Variants in PEAK1 observed in about 807,000 individuals in gnomAD.
The protein encoded by PEAK1 is inactive tyrosine-protein kinase PEAK1.
A neutral mutation model predicts 124.7 loss-of-function variants in PEAK1; 54 were observed. The ratio of observed to expected loss-of-function variants is 0.43; its 90% CI spans 0.35 to 0.54. The LOEUF (loss-of-function observed/expected upper bound fraction) is 0.54. Ranked by LOEUF, PEAK1 falls within the 20% of genes least tolerant of loss-of-function variation. The pLI is 0.01. For synonymous variants in PEAK1, 719 were observed against 760.0 expected (o/e 0.95, Z 0.89); for missense variants, 2,046 against 2,134.5 (o/e 0.96, Z 0.82).
intron 2 of PEAK1, among the ~76,000 whole-genome samples, chr15:77,292,340 C>T (rs1403770242): frequency 6.6e-6 from 1 of 152,162 alleles, no homozygotes; most frequent in Non-Finnish European, 1.5e-5. Context: ...ACACTGAAAT[C>T]ATGGCTGAAA....
chr15:77,194,202 T>C (rs186978289), intron 6 of PEAK1, among the ~76,000 whole-genome samples: 242 of 152,318 alleles, frequency 1.6e-3, no homozygotes, highest in African/African-American at 5.6e-3. Flanking sequence ...GTTTTATCTT[T>C]CCTAATCTGT....
At chr15:77,210,301 ATTAGTTTGTTC>A (rs1385130420) in intron 6 of PEAK1, among the ~76,000 whole-genome samples, 1 of 152,198 alleles carries the variant, frequency 6.6e-6, no homozygotes, top group Non-Finnish European at 1.5e-5. Flanking sequence ...TGGACAAGTC[ATTAGTTTGTTC>A]TTGCAGATCA....
chr15:77,350,911 C>A (rs949507539), intron 2 of PEAK1: 1 of 985,246 alleles, frequency 1.0e-6, no homozygotes, highest in Non-Finnish European at 1.2e-6. Flanking sequence ...ACAAACATGG[C>A]CCTCTATTTA....
At chr15:77,326,205 T>C (rs899955317) in intron 2 of PEAK1, among the ~76,000 whole-genome samples, 4 of 152,074 alleles carry the variant, frequency 2.6e-5, no homozygotes, top group East Asian at 1.9e-4. Flanking sequence ...AGATTCATCT[T>C]TGGATTTTAA....
chr15:77,233,833 T>C (rs1350889750), intron 6 of PEAK1, among the ~76,000 whole-genome samples: 4 of 152,220 alleles, frequency 2.6e-5, no homozygotes, highest in African/African-American at 7.2e-5. Flanking sequence ...AAACTACCCA[T>C]TATGTCTAAG....
At chr15:77,195,484 G>A (rs1269978726) in intron 6 of PEAK1, among the ~76,000 whole-genome samples, 2 of 152,090 alleles carry the variant, frequency 1.3e-5, no homozygotes, top group African/African-American at 4.8e-5. Flanking sequence ...ACAAGTGAGA[G>A]GAAGAATAGA....
intron 1 of PEAK1, among the ~76,000 whole-genome samples, chr15:77,374,250 A>C (rs1467335234): frequency 1.3e-5 from 2 of 152,176 alleles, no homozygotes; most frequent in African/African-American, 4.8e-5. Context: ...GTTAATTATA[A>C]ATGGCATGTC....
At chr15:77,325,843 G>A (rs1392367755) in intron 2 of PEAK1, among the ~76,000 whole-genome samples, 2 of 151,898 alleles carry the variant, frequency 1.3e-5, no homozygotes, top group East Asian at 1.9e-4. Context: ...ATGAATTTAG[G>A]TCATCCTGAA....
At chr15:77,391,980 T>C (rs2070498682) in intron 1 of PEAK1, among the ~76,000 whole-genome samples, 1 of 152,174 alleles carries the variant, frequency 6.6e-6, no homozygotes, top group Non-Finnish European at 1.5e-5. Context: ...CTATAAACTA[T>C]CTCTATATCA....
chr15:77,261,207 CA>C (rs1221739029), intron 5 of PEAK1, among the ~76,000 whole-genome samples: 1 of 152,164 alleles, frequency 6.6e-6, no homozygotes, highest in Non-Finnish European at 1.5e-5. Context: ...TTCTAAAAAT[CA>C]GAGCGCCTCT....
chr15:77,383,254 G>A (rs916707985), intron 1 of PEAK1, among the ~76,000 whole-genome samples: 3 of 151,958 alleles, frequency 2.0e-5, no homozygotes, highest in African/African-American at 7.3e-5. Context: ...TCAAACTCCT[G>A]ACCTCAGGTG....
At chr15:77,154,263 C>T (rs530245779) in intron 8 of PEAK1, among the ~76,000 whole-genome samples, 56 of 152,236 alleles carry the variant, frequency 3.7e-4, no homozygotes, top group Admixed American at 3.5e-3. Context: ...CTCTTTTAAT[C>T]TTTGTTGGTT....
intron 6 of PEAK1, among the ~76,000 whole-genome samples, chr15:77,236,278 C>A (rs890903980): frequency 6.6e-6 from 1 of 152,162 alleles, no homozygotes; most frequent in South Asian, 2.1e-4. Context: ...GGGGACTGTA[C>A]CCTGCAAAGC....
At chr15:77,390,121 C>T (rs149224702) in intron 1 of PEAK1, among the ~76,000 whole-genome samples, 75 of 152,180 alleles carry the variant, frequency 4.9e-4, no homozygotes, top group African/African-American at 1.8e-3. Flanking sequence ...ACCCAGATAA[C>T]AGTAAAAATT....
chr15:77,368,589 A>T (rs182749726), intron 1 of PEAK1, among the ~76,000 whole-genome samples: 2 of 152,312 alleles, frequency 1.3e-5, no homozygotes, highest in East Asian at 3.9e-4. Flanking sequence ...AAGAAATTGT[A>T]GAAAAATATA....
At chr15:77,419,143 A>C in intron 1 of PEAK1, 28 of 985,394 alleles carry the variant, frequency 2.8e-5, no homozygotes, top group Non-Finnish European at 3.3e-5. Flanking sequence ...AAATTCCTGA[A>C]CTTGGATCTT....
At chr15:77,243,021 T>C (rs998329717) in intron 6 of PEAK1, among the ~76,000 whole-genome samples, 24 of 152,180 alleles carry the variant, frequency 1.6e-4, no homozygotes, top group African/African-American at 3.9e-4. Context: ...AGGCCCAACA[T>C]TGTGAATATG....
chr15:77,270,734 G>A (rs1055938405), intron 5 of PEAK1, among the ~76,000 whole-genome samples: 2 of 152,100 alleles, frequency 1.3e-5, no homozygotes, highest in African/African-American at 2.4e-5. Context: ...GCTTGATGGG[G>A]ATGGCACTGA....
At chr15:77,186,485 A>G (rs529357263) in intron 6 of PEAK1, among the ~76,000 whole-genome samples, 35 of 152,356 alleles carry the variant, frequency 2.3e-4, no homozygotes, top group African/African-American at 7.7e-4. Context: ...TGTTGTGTGC[A>G]CTAGGAACCC....
Sources: gnomAD v4.1 joint callset for allele counts (sites outside exome capture counted in the v4.1 genomes callset) on GRCh38, gnomAD v4.1.1 for gene constraint, MANE v1.5 for transcripts, NCBI Gene and HGNC (gene_info 2026-07-23, HGNC 2026-07-21) for gene names.